TTC34: variants seen among roughly 807,000 people sequenced by gnomAD.
TTC34 encodes the protein tetratricopeptide repeat protein 34.
A neutral mutation model predicts 40.7 loss-of-function variants in TTC34; 44 were observed. That is an observed-to-expected ratio of 1.08 (90% confidence interval 0.85 to 1.39). TTC34 has a LOEUF of 1.39. TTC34 is among the 40% of genes most tolerant of loss of function. The probability of loss-of-function intolerance (pLI) is 0.00; values close to 1 mark genes in which losing one functional copy is unlikely to be tolerated. For missense variants in TTC34, 884 were observed against 838.0 expected (o/e 1.05, Z -0.68); for synonymous variants, 422 against 398.6 (o/e 1.06, Z -0.70).
At position 2,691,726 on chromosome 1, in the gene TTC34, C is replaced by G. The variant is rs1235681524; in HGVS notation, c.2227-46163G>C. ...CATCCCCAGGTGAGCATTGGACAGCCTGGAGCAGCACCCACATTCCCAGGC... is the reference window on the plus strand; with the variant it reads ...CATCCCCAGGTGAGCATTGGACAGCGTGGAGCAGCACCCACATTCCCAGGC... On this transcript the variant is annotated intron_variant, in intron 6 of 8. Transcript: ENST00000401095. Among the ~76,000 whole-genome samples the G allele has an allele frequency of 4.0e-5, 4 of 100,712 alleles. 1 individual carries two copies. Among genetic ancestry groups the G allele is most frequent in the South Asian group, 2.8e-4 (1 of 3,616 alleles). 66.1% of individuals were successfully genotyped at this position (100,712 alleles called of 152,430 possible). A position where few individuals can be genotyped will look rare whatever the true frequency, so the allele number is the denominator to read the frequency against.
In TTC34 at chr1:2,676,792, G is replaced by GAA. The variant is rs1365672486; in HGVS notation, c.2227-31230_2227-31229insTT. Among the ~76,000 whole-genome samples, 12 of 10,302 alleles carry GAA rather than the reference G, an allele frequency of 1.2e-3. 1 individual carries two copies. The highest frequency in any genetic ancestry group is 3.4e-3 in the South Asian group (1 of 292). The allele number at this position is 10,302 out of a possible 152,430, so 6.8% of individuals were successfully genotyped here. A position where few individuals can be genotyped will look rare whatever the true frequency, so the allele number is the denominator to read the frequency against. ...CAACAGGCGAGCATCTGACAGCCTG[G>GAA]GTCGGCACCCACACCACCAGGTGAG... is the stretch of plus-strand genomic sequence containing the variant. On this transcript the variant is annotated intron_variant, in intron 6 of 8. Transcript: ENST00000401095.
At chr1:2,795,571 C>T (rs1643704069) in intron 2 of TTC34, among the ~76,000 whole-genome samples, 1 of 152,206 alleles carries the variant, frequency 6.6e-6, no homozygotes, top group African/African-American at 2.4e-5. Context: ...CAAGCCATCA[C>T]TTCTACCATA....
chr1:2,646,992 T>C (rs1639031409), intron 6 of TTC34, among the ~76,000 whole-genome samples: 2 of 152,250 alleles, frequency 1.3e-5, no homozygotes, highest in African/African-American at 2.4e-5. Flanking sequence ...CCCATTGTCT[T>C]CTGGGTTCCA....
At chr1:2,777,516 A>G (rs1400776016) in intron 6 of TTC34, among the ~76,000 whole-genome samples, 1 of 152,196 alleles carries the variant, frequency 6.6e-6, no homozygotes, top group African/African-American at 2.4e-5. Context: ...TGAGCATATG[A>G]CCGCCTGGAA....
chr1:2,790,304 G>C (rs1425255429), exon 3 of TTC34: 1 of 398,312 alleles, frequency 2.5e-6, no homozygotes, highest in Non-Finnish European at 4.4e-6. Flanking sequence ...CAGGAAGAAG[G>C]CCGAGGCCGC....
intron 2 of TTC34, among the ~76,000 whole-genome samples, chr1:2,799,479 G>A (rs1643749998): frequency 1.3e-5 from 2 of 152,004 alleles, no homozygotes; most frequent in Non-Finnish European, 2.9e-5. Flanking sequence ...GTGGGTGGAG[G>A]TTGCGGTGAG....
At position 2,683,875 on chromosome 1, in the gene TTC34, C is replaced by A. The variant is rs1387646339; in HGVS notation, c.2227-38312G>T. 6.4e-3 allele frequency among the ~76,000 whole-genome samples: 560 copies of A among 88,132 alleles called. 1 individual carries two copies. The highest frequency in any genetic ancestry group is 0.017 in the African/African-American group (314 of 18,834). The allele number at this position is 88,132 out of a possible 152,430, so 57.8% of individuals were successfully genotyped here. Reference sequence around the variant, plus strand: ...GACAGCCTGGAGCAGAACCCACACCCCGAGGCGAGCATCTGACAGCCTGGG... The same window carrying A: ...GACAGCCTGGAGCAGAACCCACACCACGAGGCGAGCATCTGACAGCCTGGG... On this transcript the variant is annotated intron_variant, in intron 6 of 8. Transcript: ENST00000401095.
intron 6 of TTC34, among the ~76,000 whole-genome samples, chr1:2,684,401 G>A (rs1640222550): frequency 6.6e-6 from 1 of 151,484 alleles, no homozygotes; most frequent in Non-Finnish European, 1.5e-5. Flanking sequence ...CACACCCCCA[G>A]GTGAGCATCT....
At chr1:2,652,116 ACCCTGC>A (rs1451836975) in intron 6 of TTC34, among the ~76,000 whole-genome samples, 13 of 3,688 alleles carry the variant, frequency 3.5e-3, no homozygotes, top group Admixed American at 0.014. Context: ...CTGGAACAGC[ACCCTGC>A]ACCCCCAGGT....
intron 6 of TTC34, among the ~76,000 whole-genome samples, chr1:2,752,763 A>G (rs1195312824): frequency 6.0e-4 from 71 of 118,858 alleles, no homozygotes; most frequent in Non-Finnish European, 7.9e-4. Context: ...AGCGTGGAAC[A>G]GCACCCATAC....
intron 6 of TTC34, among the ~76,000 whole-genome samples, chr1:2,692,290 G>T (rs1463856195): frequency 1.4e-5 from 1 of 72,626 alleles, no homozygotes; most frequent in African/African-American, 4.5e-5. Flanking sequence ...TGACAGCCTG[G>T]AGCAGCAGGC....
chr1:2,782,516 C>CTCTCTT (rs1553170179), intron 6 of TTC34, among the ~76,000 whole-genome samples: 1 of 151,366 alleles, frequency 6.6e-6, no homozygotes, highest in African/African-American at 2.4e-5. Context: ...TTTTCTCTCT[C>CTCTCTT]TCTTTCTTTC....
rs796086529 is a variant in TTC34 at position 2,688,248 on chromosome 1, C to T, written c.2227-42685G>A. Among the ~76,000 whole-genome samples, 6 of 126,440 alleles carry T rather than the reference C, an allele frequency of 4.7e-5. No homozygotes were observed. In the East Asian group the frequency reaches 6.9e-4, roughly 15 times the overall value. The allele number at this position is 126,440 out of a possible 152,430, so 82.9% of individuals were successfully genotyped here. On this transcript the variant is annotated intron_variant, in intron 6 of 8. Transcript: ENST00000401095. ...CCGACAGCCTGGAGCAGCACCCACACCCCCAGGGGAGCATGTGACAGCCTG... is the reference window on the plus strand; with the variant it reads ...CCGACAGCCTGGAGCAGCACCCACATCCCCAGGGGAGCATGTGACAGCCTG...
At chr1:2,751,492 G>A (rs1312856396) in intron 6 of TTC34, among the ~76,000 whole-genome samples, 2 of 52,320 alleles carry the variant, frequency 3.8e-5, no homozygotes, top group African/African-American at 9.2e-5. Context: ...CCCATGCCCA[G>A]GTGAGCCTCT....
chr1:2,785,160 A>G (rs1308420566), intron 5 of TTC34, among the ~76,000 whole-genome samples: 1 of 152,166 alleles, frequency 6.6e-6, no homozygotes, highest in Non-Finnish European at 1.5e-5. Flanking sequence ...AGGGGTGCTC[A>G]CTAAGTGCAT....
chr1:2,653,025 C>T (rs1233645744), intron 6 of TTC34, among the ~76,000 whole-genome samples: 45 of 151,848 alleles, frequency 3.0e-4, no homozygotes, highest in African/African-American at 1.0e-3. Flanking sequence ...GAGCATCTGA[C>T]AACCTGGAGC....
chr1:2,787,463 C>T lies in TTC34; in HGVS notation c.1854+18G>A. 2 of 1,449,878 alleles carry T rather than the reference C, an allele frequency of 1.4e-6. No homozygotes were observed. Among genetic ancestry groups the T allele is most frequent in the Non-Finnish European group, 9.1e-7 (1 of 1,094,418 alleles). 89.8% of individuals were successfully genotyped at this position (1,449,878 alleles called of 1,614,324 possible). On this transcript the variant is annotated intron_variant, in intron 4 of 8. Coordinates refer to ENST00000401095, the Ensembl canonical transcript of TTC34. ...GCCCATTTCCACCTGCCCTCTGTCA[C>T]CCCCCAGGCCTCCTCACCTGGTTGG...
chr1:2,648,224 C>A (rs1448592700), intron 6 of TTC34, among the ~76,000 whole-genome samples: 1 of 152,044 alleles, frequency 6.6e-6, no homozygotes, highest in Non-Finnish European at 1.5e-5. Flanking sequence ...CTTGGTTTTG[C>A]GCTGGGCTCT....
chr1:2,748,828 T>G (rs1384596633), intron 6 of TTC34, among the ~76,000 whole-genome samples: 1 of 111,414 alleles, frequency 9.0e-6, no homozygotes, highest in Non-Finnish European at 1.7e-5. Context: ...ACAGCCTCGG[T>G]CGGCACCCAC....
Sources: gnomAD v4.1 joint callset for allele counts (sites outside exome capture counted in the v4.1 genomes callset) on GRCh38, gnomAD v4.1.1 for gene constraint, MANE v1.5 for transcripts, NCBI Gene and HGNC (gene_info 2026-07-23, HGNC 2026-07-21) for gene names.